Variants in SLC15A1 observed in about 807,000 individuals in gnomAD.
The protein encoded by SLC15A1 is Caco-2 oligopeptide transporter.
In SLC15A1, 83 loss-of-function variants were observed where a neutral mutation model predicts 92.9. That is an observed-to-expected ratio of 0.89 (90% CI 0.75 to 1.07). SLC15A1 has a LOEUF of 1.07. Among genes scored for constraint, SLC15A1 ranks in the 50% least tolerant of loss-of-function variants. SLC15A1 has a pLI of 0.00. For missense variants in SLC15A1, 857 were observed against 880.1 expected, an observed-to-expected ratio of 0.97 and a Z score of 0.33; for synonymous variants, 322 against 318.2, an observed-to-expected ratio of 1.01 and a Z score of -0.13.
Position 98,684,637 on chromosome 13 carries a change from G to T in SLC15A1, c.*87C>A. On this transcript the variant is annotated 3_prime_UTR_variant, in exon 23 of 23. Coordinates refer to ENST00000376503, the MANE Select transcript of SLC15A1 (RefSeq NM_005073.4). ...CCAATTCTGAAGTCTTCCTCATCAG[G>T]GGCCATCCAATGGAGTGTCCTGCTA... 3 of 948,642 alleles carry T rather than the reference G, an allele frequency of 3.2e-6. No homozygotes were observed. The highest frequency in any genetic ancestry group is 4.9e-6 in the Non-Finnish European group (3 of 612,498). 58.8% of individuals were successfully genotyped at this position (948,642 alleles called of 1,614,324 possible).
chr13:98,707,898 A>T (rs1187700416), intron 15 of SLC15A1, among the ~76,000 whole-genome samples: 11 of 57,252 alleles, frequency 1.9e-4, no homozygotes, highest in African/African-American at 2.6e-4. Flanking sequence ...GTTTAAAAAA[A>T]AAAAAAAAAA....
In SLC15A1 at chr13:98,724,014, G is replaced by A; in HGVS notation, c.263C>T (p.Ser88Phe). 1 of 1,614,126 alleles carries A rather than the reference G, an allele frequency of 6.2e-7. No homozygotes were observed. The highest frequency in any genetic ancestry group is 8.5e-7 in the Non-Finnish European group (1 of 1,180,008). Residue 88 changes from serine to phenylalanine, a missense_variant, in exon 5 of 23, where the codon TCC becomes TTC. Coordinates refer to ENST00000376503, the MANE Select transcript of SLC15A1 (RefSeq NM_005073.4). ...LGKFKTIVSL[S>F]IVYTIGQAVT... ...TGCTTGTCCAATTGTGTAGACAATGGAGAGCGACACAATGGTCCTGTGTTT... is the reference window on the plus strand; with the variant it reads ...TGCTTGTCCAATTGTGTAGACAATGAAGAGCGACACAATGGTCCTGTGTTT...
In SLC15A1 at chr13:98,684,905, T is replaced by C. The variant is rs1197093493; in HGVS notation, c.1946A>G (p.Tyr649Cys). 1.9e-6 allele frequency: 3 copies of C among 1,612,000 alleles called. No individual in the cohort carries two copies. Among genetic ancestry groups the C allele is most frequent in the Admixed American group, 3.4e-5 (2 of 59,594 alleles). ...CAGAAGCAACGCGGCAAATAGAATGTACTCGGCCCACTTTGAAGAAATCAG... is the reference window on the plus strand; with the variant it reads ...CAGAAGCAACGCGGCAAATAGAATGCACTCGGCCCACTTTGAAGAAATCAG... ...AGQFSKQWAE[Y>C]ILFAALLLVV... The change falls in exon 23 of 23, where the codon TAC (tyrosine) becomes TGC (cysteine). Residue 649 changes from tyrosine to cysteine, a missense_variant. Transcript: ENST00000376503.
At chr13:98,721,364 A>T (rs1421827874) in intron 7 of SLC15A1, 131 bp downstream of exon 7, 3 of 734,628 alleles carry the variant, frequency 4.1e-6, no homozygotes, top group Non-Finnish European at 7.5e-6. Flanking sequence ...TCCAGATTCC[A>T]ACGTGCATCC....
At chr13:98,693,047 C>T (rs1211461449) in intron 18 of SLC15A1, among the ~76,000 whole-genome samples, 1 of 147,686 alleles carries the variant, frequency 6.8e-6, no homozygotes, top group East Asian at 2.0e-4. Context: ...CCAAGGGGTC[C>T]AGTTTACCCG....
rs537622016 is a variant in SLC15A1, at chr13:98,709,631, C to G, written c.1008G>C (p.Met336Ile). The change falls in exon 14 of 23, where the codon ATG (methionine) becomes ATC (isoleucine). Residue 336 changes from methionine (M) to isoleucine (I), a missense_variant. Transcript: ENST00000376503. Reference sequence around the variant, plus strand: ...ACAGCACAGCATCGAAGATCGGGACCATGATCACGATCAGGATGGCGTTCA... The same window carrying G: ...ACAGCACAGCATCGAAGATCGGGACGATGATCACGATCAGGATGGCGTTCA... ...QTVNAILIVI[M>I]VPIFDAVLYP... 2 of 1,614,138 alleles carry G rather than the reference C, an allele frequency of 1.2e-6. No individual in the cohort carries two copies. The highest frequency in any genetic ancestry group is 2.2e-5 in the South Asian group (2 of 91,062).
intron 1 of SLC15A1, among the ~76,000 whole-genome samples, chr13:98,745,377 C>T (rs1368833107): frequency 3.3e-5 from 5 of 152,180 alleles, no homozygotes; most frequent in Non-Finnish European, 5.9e-5. Flanking sequence ...GTTACCATGT[C>T]GGGGTGTCGA....
chr13:98,726,387 A>G lies in SLC15A1; in HGVS notation c.84T>C (p.Phe28=). 1 of 1,614,248 alleles carries G rather than the reference A, an allele frequency of 6.2e-7. No homozygotes were observed. Among genetic ancestry groups the G allele is most frequent in the Non-Finnish European group, 8.5e-7 (1 of 1,180,048 alleles). The part of the protein sequence containing the change: ...FIVVNEFCER[F]SYYGMRAILI... ...AGTTACCTCGCATTCCATAGTAGGA[A>G]AATCTTTCGCAAAACTCATTGACCA... Residue 28 remains phenylalanine (F), a synonymous_variant, in exon 3 of 23, where the codon TTT becomes TTC. Transcript: ENST00000376503.
chr13:98,724,763 G>A (rs780055313), intron 4 of SLC15A1, among the ~76,000 whole-genome samples: 12 of 152,140 alleles, frequency 7.9e-5, no homozygotes, highest in Non-Finnish European at 1.2e-4. Flanking sequence ...GTGAGCCACC[G>A]CACCCAGCCT....
rs767590419 is a variant in SLC15A1 at position 98,709,669 on chromosome 13, G to T, written c.979-9C>A. ...AGGATGGCGTTCACGGTCTGCAGAG[G>T]AAGTGGAGGAGAAATGTTAAGCTTG... On this transcript the variant is annotated splice_polypyrimidine_tract_variant and intron_variant, in intron 13 of 22. Coordinates refer to ENST00000376503, the MANE Select transcript of SLC15A1 (RefSeq NM_005073.4). 1.2e-6 allele frequency: 2 copies of T among 1,614,174 alleles called. No homozygotes were observed. The highest frequency in any genetic ancestry group is 2.2e-5 in the South Asian group (2 of 91,078).
In SLC15A1 at chr13:98,726,834, G is replaced by T; in HGVS notation, c.21+9C>A. On this transcript the variant is annotated intron_variant, in intron 2 of 22. Coordinates refer to ENST00000376503, the MANE Select transcript of SLC15A1 (RefSeq NM_005073.4). Reference sequence around the variant, plus strand: ...TGAAGATATGTAGAGAAGGAAAAAGGGTACTCACGTGTGATTTGGACATTC... The same window carrying T: ...TGAAGATATGTAGAGAAGGAAAAAGTGTACTCACGTGTGATTTGGACATTC... The T allele has an allele frequency of 1.9e-6, 3 of 1,612,406 alleles. No homozygotes were observed. The highest frequency in any genetic ancestry group is 2.5e-6 in the Non-Finnish European group (3 of 1,178,478).
At chr13:98,750,824 T>A (rs965347084) in intron 1 of SLC15A1, among the ~76,000 whole-genome samples, 1 of 151,556 alleles carries the variant, frequency 6.6e-6, no homozygotes, top group Non-Finnish European at 1.5e-5. Context: ...CCACGTTGGC[T>A]CACTGCAACC....
chr13:98,742,809 T>C (rs977470409), intron 1 of SLC15A1, among the ~76,000 whole-genome samples: 1 of 152,220 alleles, frequency 6.6e-6, no homozygotes, highest in Non-Finnish European at 1.5e-5. Flanking sequence ...AAGGTCTCAC[T>C]CTGTTGCCCA....
At chr13:98,750,400 C>G (rs9557038) in intron 1 of SLC15A1, among the ~76,000 whole-genome samples, 4 of 151,992 alleles carry the variant, frequency 2.6e-5, no homozygotes, top group Admixed American at 2.0e-4. Flanking sequence ...TGTGAGCCAC[C>G]GCGCCCAGCC....
At chr13:98,713,204 G>A (rs2088180914) in intron 9 of SLC15A1, among the ~76,000 whole-genome samples, 2 of 152,078 alleles carry the variant, frequency 1.3e-5, no homozygotes, top group African/African-American at 2.4e-5. Flanking sequence ...CCACGGGTAT[G>A]TACCACCATG....
Position 98,684,879 on chromosome 13 carries a change from C to T in SLC15A1, c.1972G>A (p.Val658Ile). 1 of 1,613,904 alleles carries T rather than the reference C, an allele frequency of 6.2e-7. No individual in the cohort carries two copies. Among genetic ancestry groups the T allele is most frequent in the Non-Finnish European group, 8.5e-7 (1 of 1,179,906 alleles). ...EYILFAALLL[V>I]VCVIFAIMAR... ...ATGATGGCAAAAATTACACAGACGA[C>T]CAGAAGCAACGCGGCAAATAGAATG... Residue 658 changes from valine (V) to isoleucine (I), a missense_variant, in exon 23 of 23, where the codon GTC becomes ATC. Val to Ile is a conservative substitution (Grantham distance 29). Coordinates refer to ENST00000376503, the MANE Select transcript of SLC15A1 (RefSeq NM_005073.4).
intron 1 of SLC15A1, among the ~76,000 whole-genome samples, chr13:98,738,337 G>T (rs933690155): frequency 1.3e-5 from 2 of 152,246 alleles, no homozygotes; most frequent in Admixed American, 6.5e-5. Flanking sequence ...CTAAGAAGGA[G>T]TCAAGTGCTA....
intron 18 of SLC15A1, among the ~76,000 whole-genome samples, chr13:98,691,198 C>T (rs1404666347): frequency 6.6e-6 from 1 of 152,092 alleles, no homozygotes; most frequent in Non-Finnish European, 1.5e-5. Flanking sequence ...CCCCCGCCAC[C>T]GCACCTGGCT....
chr13:98,744,146 CAGG>C (rs1485681764), intron 1 of SLC15A1, among the ~76,000 whole-genome samples: 2 of 147,548 alleles, frequency 1.4e-5, no homozygotes, highest in Admixed American at 1.4e-4. Context: ...GAGGCTCAGG[CAGG>C]AGGATTGCTT....
Sources: gnomAD v4.1 joint callset for allele counts (sites outside exome capture counted in the v4.1 genomes callset) on GRCh38, gnomAD v4.1.1 for gene constraint, MANE v1.5 for transcripts, NCBI Gene and HGNC (gene_info 2026-07-23, HGNC 2026-07-21) for gene names.